Variants in MEI4 observed in about 807,000 individuals in gnomAD.
MEI4 encodes the protein meiotic double-stranded break formation protein 4.
A neutral mutation model predicts 31.4 loss-of-function variants in MEI4; 27 were observed. That is an observed-to-expected ratio of 0.86 (90% CI 0.63 to 1.19). The LOEUF (loss-of-function observed/expected upper bound fraction) is 1.19. MEI4 is among the 50% of genes most tolerant of loss of function. The probability of loss-of-function intolerance (pLI) is 0.00; values close to 1 mark genes in which losing one functional copy is unlikely to be tolerated. For missense variants in MEI4, 329 were observed against 398.9 expected (o/e 0.82, Z 1.49); for synonymous variants, 122 against 145.4 (o/e 0.84, Z 1.16).
rs1018868199 is a variant in MEI4, at chr6:77,865,391, G to C, written c.900+36329G>C. The stretch of plus-strand genomic sequence containing the variant: ...AATAGACGCAATAAAAAATGATAAA[G>C]GTGATATCACCGGCAATCCCACAGA... On this transcript the variant is annotated intron_variant, in intron 4 of 4. Coordinates refer to ENST00000684080, the MANE Select transcript of MEI4 (RefSeq NM_001322247.2). Among the ~76,000 whole-genome samples the C allele has an allele frequency of 3.3e-5, 5 of 152,086 alleles. No individual in the cohort carries two copies. In the South Asian group the frequency reaches 1.0e-3, roughly 32 times the overall value.
chr6:77,899,807 C>T lies in MEI4; in HGVS notation c.901-23282C>T, dbSNP rs538970963. Among the ~76,000 whole-genome samples, 8 of 151,964 alleles carry T rather than the reference C, an allele frequency of 5.3e-5. No individual in the cohort carries two copies. The East Asian group carries it at 1.5e-3, about 29-fold the overall frequency. ...CAGACACACATTTTCTTTATTCATT[C>T]ATTATTAGATATGCATTTAAATTGA... On this transcript the variant is annotated intron_variant, in intron 4 of 4. Coordinates refer to ENST00000684080, the MANE Select transcript of MEI4 (RefSeq NM_001322247.2).
chr6:77,782,002 C>T (rs887261674), intron 3 of MEI4, among the ~76,000 whole-genome samples: 3 of 152,230 alleles, frequency 2.0e-5, no homozygotes, highest in Admixed American at 6.5e-5. Context: ...TAACCCTCTG[C>T]ACTCTCAATA....
intron 4 of MEI4, among the ~76,000 whole-genome samples, chr6:77,902,953 T>A (rs1209261538): frequency 2.0e-5 from 3 of 152,082 alleles, no homozygotes; most frequent in Non-Finnish European, 2.9e-5. Context: ...GTGCTCAAAT[T>A]TGGCAAATAA....
rs867206667 is a variant in MEI4 at position 77,719,405 on chromosome 6, A to G, written c.232+28502A>G. On this transcript the variant is annotated intron_variant, in intron 2 of 4. Transcript: ENST00000684080. ...AGTGAATCTACAGATGGGACTGACA[A>G]TAGGTACTTCTACCAACCAATTTTG... Among the ~76,000 whole-genome samples the G allele has an allele frequency of 2.3e-5, 3 of 128,702 alleles. 1 individual carries two copies. Among genetic ancestry groups the G allele is most frequent in the Non-Finnish European group, 5.0e-5 (3 of 60,572 alleles). The allele number at this position is 128,702 out of a possible 152,430, so 84.4% of individuals were successfully genotyped here. A position where few individuals can be genotyped will look rare whatever the true frequency, so the allele number is the denominator to read the frequency against.
intron 2 of MEI4, among the ~76,000 whole-genome samples, chr6:77,738,604 A>G (rs943332414): frequency 2.0e-5 from 3 of 148,294 alleles, no homozygotes; most frequent in African/African-American, 7.5e-5. Context: ...TTGGGTGTAT[A>G]TTCAGTAATG....
intron 2 of MEI4, among the ~76,000 whole-genome samples, chr6:77,743,081 T>A (rs1767464068): frequency 6.6e-6 from 1 of 152,184 alleles, no homozygotes; most frequent in Non-Finnish European, 1.5e-5. Context: ...TTCTTTTGGC[T>A]TAGGATTGAC....
At chr6:77,871,206 C>T (rs1488373656) in intron 4 of MEI4, among the ~76,000 whole-genome samples, 1 of 152,036 alleles carries the variant, frequency 6.6e-6, no homozygotes, top group Non-Finnish European at 1.5e-5. Context: ...AAAGAGAAAC[C>T]AGGACTTTTT....
chr6:77,769,453 A>G (rs995255498), intron 3 of MEI4, among the ~76,000 whole-genome samples: 6 of 152,140 alleles, frequency 3.9e-5, no homozygotes, highest in Non-Finnish European at 7.4e-5. Context: ...TTCCTGCACA[A>G]GTCCTGGTGC....
At chr6:77,803,101 A>T (rs1769316530) in intron 3 of MEI4, among the ~76,000 whole-genome samples, 1 of 152,204 alleles carries the variant, frequency 6.6e-6, no homozygotes, top group Admixed American at 6.5e-5. Context: ...CATCACTTTC[A>T]GGTACACCAA....
chr6:77,878,133 T>C (rs1274120904), intron 4 of MEI4, among the ~76,000 whole-genome samples: 1 of 152,156 alleles, frequency 6.6e-6, no homozygotes, highest in African/African-American at 2.4e-5. Flanking sequence ...AGAGGTGGCA[T>C]TGTGTTACTG....
At chr6:77,921,374 T>A (rs1766698597) in intron 4 of MEI4, among the ~76,000 whole-genome samples, 1 of 151,824 alleles carries the variant, frequency 6.6e-6, no homozygotes, top group Non-Finnish European at 1.5e-5. Context: ...GAGTTAGGCC[T>A]TTTCTCTGGT....
At chr6:77,822,761 AG>A (rs1267586125) in intron 3 of MEI4, among the ~76,000 whole-genome samples, 1 of 151,422 alleles carries the variant, frequency 6.6e-6, no homozygotes, top group African/African-American at 2.4e-5. Flanking sequence ...CTGGGAATAC[AG>A]GCACCCACCA....
chr6:77,790,292 A>G (rs1303458119), intron 3 of MEI4, among the ~76,000 whole-genome samples: 3 of 151,070 alleles, frequency 2.0e-5, no homozygotes, highest in Non-Finnish European at 4.4e-5. Context: ...TAGGAGATAT[A>G]TCTAATGTTA....
chr6:77,667,891 CA>C (rs1656884717), intron 1 of MEI4, among the ~76,000 whole-genome samples: 1 of 150,862 alleles, frequency 6.6e-6, no homozygotes, highest in Non-Finnish European at 1.5e-5. Flanking sequence ...GGAGAAAAGT[CA>C]AGCTGGAAGA....
At position 77,886,551 on chromosome 6, in the gene MEI4, C is replaced by CGGAGAT. The variant is rs1189925870; in HGVS notation, c.901-36538_901-36537insGGAGAT. Among the ~76,000 whole-genome samples, 24 of 152,242 alleles carry CGGAGAT rather than the reference C, an allele frequency of 1.6e-4. No homozygotes were observed. In the East Asian group the frequency reaches 3.3e-3, roughly 21 times the overall value. On this transcript the variant is annotated intron_variant, in intron 4 of 4. Coordinates refer to ENST00000684080, the MANE Select transcript of MEI4 (RefSeq NM_001322247.2). ...GTTCAAGCAATTCTCCTGCCTCAGC[C>CGGAGAT]TCCCAAGTAGCTGGAATTACAGGCA...
At chr6:77,855,645 C>T (rs951264217) in intron 4 of MEI4, among the ~76,000 whole-genome samples, 1 of 152,184 alleles carries the variant, frequency 6.6e-6, no homozygotes, top group African/African-American at 2.4e-5. Flanking sequence ...CTAACCCCTT[C>T]TGTATTGGAA....
chr6:77,799,337 G>A (rs1582157909), intron 3 of MEI4, among the ~76,000 whole-genome samples: 1 of 152,050 alleles, frequency 6.6e-6, no homozygotes, highest in East Asian at 1.9e-4. Context: ...TTTTGATGGG[G>A]TTGTTTGTTT....
At chr6:77,909,373 G>A (rs956568450) in intron 4 of MEI4, among the ~76,000 whole-genome samples, 1 of 152,024 alleles carries the variant, frequency 6.6e-6, no homozygotes, top group East Asian at 1.9e-4. Flanking sequence ...TGATAAAGGG[G>A]ATATCACCAC....
At chr6:77,711,344 G>A (rs568362309) in intron 2 of MEI4, among the ~76,000 whole-genome samples, 4 of 151,924 alleles carry the variant, frequency 2.6e-5, no homozygotes, top group East Asian at 1.9e-4. Context: ...GTATATATAT[G>A]TGTGTGTGTA....
Sources: allele counts gnomAD v4.1 joint callset (sites outside exome capture counted in the v4.1 genomes callset), GRCh38; gene constraint gnomAD v4.1.1; transcripts MANE v1.5; gene names NCBI Gene and HGNC (gene_info 2026-07-23, HGNC 2026-07-21).